The following TTC28 variants were observed in gnomAD, a reference collection of about 807,000 sequenced individuals.
The protein encoded by TTC28 is tetratricopeptide repeat domain 28.
TTC28 carries 61 observed loss-of-function variants against 198.0 expected under a neutral mutation model. That is an observed-to-expected ratio of 0.31 (90% CI 0.25 to 0.38). TTC28 has a LOEUF of 0.38. TTC28 is among the 10% of genes least tolerant of loss of function. TTC28 has a pLI of 1.00. For missense variants in TTC28, 2,678 were observed against 3,164.0 expected, an observed-to-expected ratio of 0.85 and a Z score of 3.69; for synonymous variants, 1,171 against 1,297.8, an observed-to-expected ratio of 0.90 and a Z score of 2.10.
intron 2 of TTC28, among the ~76,000 whole-genome samples, chr22:28,396,496 C>G (rs1044910304): frequency 2.0e-5 from 3 of 152,166 alleles, no homozygotes; most frequent in African/African-American, 7.2e-5. Context: ...GTCCCCCTCC[C>G]CAACCCCTTT....
In TTC28 at chr22:28,412,182, T is replaced by C. The variant is rs115446613; in HGVS notation, c.382-105539A>G. On this transcript the variant is annotated intron_variant, in intron 2 of 22. Coordinates refer to ENST00000397906, the MANE Select transcript of TTC28 (RefSeq NM_001145418.2). The stretch of plus-strand genomic sequence containing the variant: ...CCTTCAGATATCTGAAGATCTGTTC[T>C]TTAGAAGATGAATGGAGGCTGTGCC... 2.7e-3 allele frequency among the ~76,000 whole-genome samples: 405 copies of C among 152,318 alleles called. 1 individual carries two copies. The highest frequency in any genetic ancestry group is 9.2e-3 in the African/African-American group (383 of 41,570).
At chr22:28,595,338 T>G (rs1439421689) in intron 2 of TTC28, among the ~76,000 whole-genome samples, 15 of 152,188 alleles carry the variant, frequency 9.9e-5, no homozygotes, top group Admixed American at 9.2e-4. Flanking sequence ...ATCAGCAAAG[T>G]GCCTCAGGAG....
At chr22:28,168,809 A>G (rs1922321101) in intron 5 of TTC28, among the ~76,000 whole-genome samples, 1 of 152,252 alleles carries the variant, frequency 6.6e-6, no homozygotes. Flanking sequence ...AACAAAAGCC[A>G]AAATTGACAA....
intron 2 of TTC28, among the ~76,000 whole-genome samples, chr22:28,377,711 T>A (rs1470610984): frequency 6.6e-6 from 1 of 152,042 alleles, no homozygotes; most frequent in African/African-American, 2.4e-5. Context: ...TCAAACCATC[T>A]CCAAGTAACT....
At chr22:28,624,295 G>A (rs964325349) in intron 2 of TTC28, among the ~76,000 whole-genome samples, 1 of 151,758 alleles carries the variant, frequency 6.6e-6, no homozygotes, top group Admixed American at 6.6e-5. Flanking sequence ...GGAGAATGGC[G>A]TGAACCCGGG....
chr22:28,535,914 TAAA>T (rs1156502037), intron 2 of TTC28, among the ~76,000 whole-genome samples: 1 of 151,420 alleles, frequency 6.6e-6, no homozygotes, highest in Non-Finnish European at 1.5e-5. Context: ...CTTTATAAAT[TAAA>T]AAAAAGACCT....
At chr22:28,593,749 AAT>A (rs1472020788) in intron 2 of TTC28, among the ~76,000 whole-genome samples, 8 of 152,198 alleles carry the variant, frequency 5.3e-5, no homozygotes, top group Non-Finnish European at 1.2e-4. Flanking sequence ...AAAAGGAAGT[AAT>A]TATTTAAAAG....
chr22:28,025,743 A>C (rs1938805280), intron 13 of TTC28, among the ~76,000 whole-genome samples: 1 of 152,166 alleles, frequency 6.6e-6, no homozygotes. Flanking sequence ...GGTGGTGTGC[A>C]CCTGTGGTCC....
At chr22:28,292,295 C>T (rs1371236386) in intron 5 of TTC28, among the ~76,000 whole-genome samples, 1 of 152,106 alleles carries the variant, frequency 6.6e-6, no homozygotes, top group Non-Finnish European at 1.5e-5. Flanking sequence ...TCAAGCAATC[C>T]TCTCACCTCA....
At chr22:28,159,451 C>T (rs1050120579) in intron 6 of TTC28, among the ~76,000 whole-genome samples, 15 of 152,046 alleles carry the variant, frequency 9.9e-5, no homozygotes, top group African/African-American at 3.4e-4. Context: ...GTCAGGAGTT[C>T]GATACCAGCC....
At position 28,066,201 on chromosome 22, in the gene TTC28, T is replaced by A. The variant is rs150698631; in HGVS notation, c.3932+27879A>T. 9.5e-4 allele frequency among the ~76,000 whole-genome samples: 145 copies of A among 152,250 alleles called. 1 individual carries two copies. The highest frequency in any genetic ancestry group is 3.2e-3 in the African/African-American group (132 of 41,548). On this transcript the variant is annotated intron_variant, in intron 12 of 22. Coordinates refer to ENST00000397906, the MANE Select transcript of TTC28 (RefSeq NM_001145418.2). ...TCAAAGTGTATGTAATACTTTGATA[T>A]ATGTATATACTGTAAAATGATTATG...
intron 15 of TTC28, 170 bp from the exon 16 acceptor site, chr22:27,999,430 G>A (rs747230836): frequency 2.2e-5 from 22 of 1,004,038 alleles, no homozygotes; most frequent in Non-Finnish European, 3.0e-5. Flanking sequence ...TTTGACACAG[G>A]TGCCTAACTT....
intron 13 of TTC28, among the ~76,000 whole-genome samples, chr22:28,018,994 C>A (rs1938490756): frequency 6.6e-6 from 1 of 152,234 alleles, no homozygotes; most frequent in African/African-American, 2.4e-5. Context: ...ACAGTTAAAG[C>A]AACCAATTGC....
chr22:28,495,568 T>C (rs888416088), intron 2 of TTC28, among the ~76,000 whole-genome samples: 1 of 152,132 alleles, frequency 6.6e-6, no homozygotes, highest in African/African-American at 2.4e-5. Flanking sequence ...ACAAAACTGC[T>C]AAAGAATATG....
At chr22:28,640,324 G>T (rs1473380016) in intron 1 of TTC28, among the ~76,000 whole-genome samples, 2 of 129,280 alleles carry the variant, frequency 1.5e-5, no homozygotes, top group African/African-American at 5.9e-5. Context: ...GGGGGGGGGG[G>T]AAAGATGAGC....
At chr22:28,155,814 C>T (rs1178275101) in intron 6 of TTC28, among the ~76,000 whole-genome samples, 1 of 152,060 alleles carries the variant, frequency 6.6e-6, no homozygotes, top group Non-Finnish European at 1.5e-5. Context: ...GAGGACTCTA[C>T]CTATAATGTG....
intron 2 of TTC28, among the ~76,000 whole-genome samples, chr22:28,328,672 T>C (rs900942794): frequency 4.0e-5 from 6 of 151,134 alleles, no homozygotes; most frequent in Admixed American, 1.3e-4. Context: ...GAGAATCGCT[T>C]GAACCTGGGA....
intron 10 of TTC28, among the ~76,000 whole-genome samples, chr22:28,096,820 T>C (rs1339470242): frequency 6.6e-6 from 1 of 151,944 alleles, no homozygotes; most frequent in Non-Finnish European, 1.5e-5. Flanking sequence ...TTTTTTTTTT[T>C]TTGAGACAGG....
intron 2 of TTC28, among the ~76,000 whole-genome samples, chr22:28,373,600 T>C (rs897355798): frequency 1.5e-4 from 23 of 152,194 alleles, no homozygotes; most frequent in Admixed American, 1.2e-3. Flanking sequence ...TCTAGAGTGA[T>C]AGATTTTATA....
Sources: allele counts gnomAD v4.1 joint callset (sites outside exome capture counted in the v4.1 genomes callset), GRCh38; gene constraint gnomAD v4.1.1; transcripts MANE v1.5; gene names NCBI Gene and HGNC (gene_info 2026-07-23, HGNC 2026-07-21).